ST18: variants seen among roughly 807,000 people sequenced by gnomAD.
ST18 encodes suppression of tumorigenicity 18 protein.
In ST18, 50 loss-of-function variants were observed where a neutral mutation model predicts 110.0. The ratio of observed to expected loss-of-function variants is 0.45; its 90% CI spans 0.36 to 0.58. The LOEUF is 0.58. ST18 is among the 20% of genes least tolerant of loss of function. The pLI, the probability that ST18 is intolerant of heterozygous loss-of-function variation, is 0.00. For synonymous variants in ST18, 461 were observed against 452.4 expected (o/e 1.02, Z -0.24); for missense variants, 1,306 against 1,280.1 (o/e 1.02, Z -0.31).
At chr8:52,291,638 G>GA (rs1450861410) in intron 2 of ST18, among the ~76,000 whole-genome samples, 7 of 151,946 alleles carry the variant, frequency 4.6e-5, no homozygotes, top group Non-Finnish European at 8.8e-5. Context: ...TTTTGATTTA[G>GA]AAAAAATATT....
intron 2 of ST18, chr8:52,248,589 C>G (rs1486634752): frequency 6.6e-6 from 1 of 152,192 alleles, no homozygotes; most frequent in East Asian, 1.9e-4. Context: ...CTGGCAACTT[C>G]CTGTTGCCAT....
intron 11 of ST18, among the ~76,000 whole-genome samples, chr8:52,166,022 G>A (rs1054347329): frequency 1.3e-5 from 2 of 152,154 alleles, no homozygotes; most frequent in Non-Finnish European, 2.9e-5. Flanking sequence ...CTCCACTGCT[G>A]CAGGATGTCC....
At chr8:52,222,144 A>G (rs1469827328) in intron 3 of ST18, 2 of 152,152 alleles carry the variant, frequency 1.3e-5, no homozygotes, top group Non-Finnish European at 2.9e-5. Flanking sequence ...TTAGCAATAC[A>G]TTTTCCATTT....
At chr8:52,179,730 G>A (rs2068585648) in intron 9 of ST18, among the ~76,000 whole-genome samples, 1 of 152,062 alleles carries the variant, frequency 6.6e-6, no homozygotes, top group East Asian at 1.9e-4. Flanking sequence ...TATATAACTT[G>A]ATCATTGCAA....
chr8:52,336,666 T>G (rs1312896290), intron 2 of ST18, among the ~76,000 whole-genome samples: 1 of 152,202 alleles, frequency 6.6e-6, no homozygotes, highest in Non-Finnish European at 1.5e-5. Flanking sequence ...TTGGGTGAGA[T>G]GGGAAGCGGG....
chr8:52,205,640 T>C (rs562711583), intron 8 of ST18, among the ~76,000 whole-genome samples: 261 of 152,266 alleles, frequency 1.7e-3, no homozygotes, highest in African/African-American at 5.8e-3. Context: ...TAATCTAGGC[T>C]CACTGCAACC....
chr8:52,245,612 T>C (rs980513180), intron 2 of ST18, among the ~76,000 whole-genome samples: 6 of 152,146 alleles, frequency 3.9e-5, no homozygotes, highest in Non-Finnish European at 7.4e-5. Context: ...TATAAAATAG[T>C]AATGTAAATA....
intron 8 of ST18, among the ~76,000 whole-genome samples, chr8:52,193,894 C>A (rs1344452399): frequency 1.4e-4 from 22 of 152,174 alleles, no homozygotes; most frequent in Admixed American, 1.4e-3. Flanking sequence ...ACAGTTAAAC[C>A]TATAATTGAA....
intron 15 of ST18, among the ~76,000 whole-genome samples, chr8:52,152,287 A>G (rs996395869): frequency 4.6e-5 from 7 of 152,204 alleles, no homozygotes; most frequent in African/African-American, 1.7e-4. Context: ...GCTTTTATTC[A>G]GAGCAGTATC....
At chr8:52,358,179 C>CAACATCCCATAGATGGGATCCACTG (rs1416394293) in intron 2 of ST18, among the ~76,000 whole-genome samples, 6 of 151,614 alleles carry the variant, frequency 4.0e-5, no homozygotes, top group Non-Finnish European at 5.9e-5. Flanking sequence ...CACAAAATGC[C>CAACATCCCATAGATGGGATCCACTG]AACATCTATG....
chr8:52,171,511 T>C, intron 10 of ST18: 2 of 500,762 alleles, frequency 4.0e-6, no homozygotes, highest in Non-Finnish European at 7.5e-6. Context: ...AAGTTATTTC[T>C]AAAGGTATGA....
rs1325685151 is a variant in ST18, at chr8:52,209,769, T to G, written c.86+2310A>C. Among the ~76,000 whole-genome samples, 16 of 28,184 alleles carry G rather than the reference T, an allele frequency of 5.7e-4. No homozygotes were observed. In the East Asian group the frequency reaches 0.018, roughly 32 times the overall value. 18.5% of individuals were successfully genotyped at this position (28,184 alleles called of 152,430 possible). On this transcript the variant is annotated intron_variant, in intron 8 of 25. Transcript: ENST00000689386. Reference sequence around the variant, plus strand: ...TGGGCAACAAGAGCGAAACTCCATCTCAAAAAAAAAAAAAAAAAAATATAT... The same window carrying G: ...TGGGCAACAAGAGCGAAACTCCATCGCAAAAAAAAAAAAAAAAAAATATAT...
At chr8:52,160,308 C>T (rs1279602374) in intron 14 of ST18, among the ~76,000 whole-genome samples, 1 of 152,136 alleles carries the variant, frequency 6.6e-6, no homozygotes, top group Non-Finnish European at 1.5e-5. Context: ...TAGTTGGAAG[C>T]TATTTTTGGT....
At chr8:52,181,793 G>A (rs1242065746) in intron 8 of ST18, among the ~76,000 whole-genome samples, 12 of 152,138 alleles carry the variant, frequency 7.9e-5, no homozygotes, top group Admixed American at 5.2e-4. Flanking sequence ...AGTCCACACC[G>A]TAGATTATGA....
intron 9 of ST18, among the ~76,000 whole-genome samples, chr8:52,174,162 A>G (rs1400669760): frequency 6.6e-6 from 1 of 152,214 alleles, no homozygotes; most frequent in South Asian, 2.1e-4. Context: ...TTTAGTTCCT[A>G]GAAAAGAGGC....
intron 24 of ST18, 121 bp from the exon 25 acceptor site, chr8:52,116,539 T>G (rs2042612420): frequency 2.1e-6 from 2 of 968,430 alleles, no homozygotes; most frequent in East Asian, 2.6e-5. Flanking sequence ...GATGCATGCG[T>G]GTAACTTCTC....
chr8:52,406,957 T>G (rs1485427410), intron 2 of ST18: 1 of 152,204 alleles, frequency 6.6e-6, no homozygotes, highest in African/African-American at 2.4e-5. Context: ...TAGTTCCAAT[T>G]TGTTATGCGT....
chr8:52,260,833 G>A (rs1019489825), intron 2 of ST18, among the ~76,000 whole-genome samples: 3 of 152,166 alleles, frequency 2.0e-5, no homozygotes, highest in Non-Finnish European at 2.9e-5. Flanking sequence ...ACATTTCCTG[G>A]ACAGATAATT....
chr8:52,273,126 G>T (rs1250188010), intron 2 of ST18, among the ~76,000 whole-genome samples: 2 of 152,162 alleles, frequency 1.3e-5, no homozygotes, highest in Non-Finnish European at 2.9e-5. Context: ...GTTCTGAAAA[G>T]AGCCAAAAAG....
Sources: gnomAD v4.1 joint callset for allele counts (sites outside exome capture counted in the v4.1 genomes callset) on GRCh38, gnomAD v4.1.1 for gene constraint, MANE v1.5 for transcripts, NCBI Gene and HGNC (gene_info 2026-07-23, HGNC 2026-07-21) for gene names.